The following MYO18B variants were observed in gnomAD, a reference collection of about 807,000 sequenced individuals.
MYO18B encodes unconventional myosin-XVIIIb.
In MYO18B, 204 loss-of-function variants were observed where a neutral mutation model predicts 273.0. The ratio of observed to expected loss-of-function variants is 0.75; its 90% CI spans 0.67 to 0.84. MYO18B has a LOEUF of 0.84. MYO18B is among the 40% of genes least tolerant of loss of function. The pLI, the probability that MYO18B is intolerant of heterozygous loss-of-function variation, is 0.00. For synonymous variants in MYO18B, 1,330 were observed against 1,305.7 expected, an observed-to-expected ratio of 1.02 and a Z score of -0.40; for missense variants, 3,212 against 3,287.6, an observed-to-expected ratio of 0.98 and a Z score of 0.56.
intron 11 of MYO18B, among the ~76,000 whole-genome samples, chr22:25,790,209 G>T (rs2046281883): frequency 6.6e-6 from 1 of 152,236 alleles, no homozygotes; most frequent in Non-Finnish European, 1.5e-5. Flanking sequence ...CATTCATGGA[G>T]GGGACGTGGT....
In MYO18B at chr22:25,770,879, G is replaced by A; in HGVS notation, c.1587G>A (p.Val529=). 1.9e-6 allele frequency: 3 copies of A among 1,551,790 alleles called. No homozygotes were observed. Among genetic ancestry groups the A allele is most frequent in the Non-Finnish European group, 2.6e-6 (3 of 1,146,974 alleles). The change falls in exon 6 of 44, where the codon GTG becomes GTA. Residue 529 remains valine (V), a synonymous_variant. Coordinates refer to ENST00000335473, the MANE Select transcript of MYO18B (RefSeq NM_032608.7). The part of the protein sequence containing the change: ...AQKDGFTLAT[V]LKPDEGTADL... Reference sequence around the variant, plus strand: ...TCTGGGATGTCCAACCAGCTACGGTGCTAAAGCCAGATGAGGGAACAGCAG... The same window carrying A: ...TCTGGGATGTCCAACCAGCTACGGTACTAAAGCCAGATGAGGGAACAGCAG...
chr22:25,797,384 T>A (rs1223189742), intron 11 of MYO18B, among the ~76,000 whole-genome samples: 3 of 152,230 alleles, frequency 2.0e-5, no homozygotes, highest in East Asian at 1.9e-4. Flanking sequence ...CACAATTTGA[T>A]CTGCTCTATG....
intron 12 of MYO18B, among the ~76,000 whole-genome samples, chr22:25,800,785 TG>T (rs57524878): frequency 0.066 from 10,028 of 152,150 alleles, 575 homozygotes; most frequent in East Asian, 0.21. Flanking sequence ...TGGGGCAGAG[TG>T]GGGGGGCCCC....
chr22:25,887,376 G>A (rs2091531878), intron 25 of MYO18B, among the ~76,000 whole-genome samples: 1 of 151,338 alleles, frequency 6.6e-6, no homozygotes, highest in African/African-American at 2.5e-5. Flanking sequence ...AATGAGGCCA[G>A]TGCACAGGAT....
At chr22:26,048,967 C>G in the MYO18B span, among the ~76,000 whole-genome samples, 1 of 152,192 alleles carries the variant, frequency 6.6e-6, no homozygotes, top group Non-Finnish European at 1.5e-5. Flanking sequence ...GGGTACTAGG[C>G]TTAGTACCTG....
In MYO18B at chr22:25,910,931, C is replaced by G. The variant is rs751962469; in HGVS notation, c.5260-15C>G. On this transcript the variant is annotated splice_polypyrimidine_tract_variant and intron_variant, in intron 32 of 43. Transcript: ENST00000335473. ...TTCATTTACCCTGTGATGTTTCTTCCCTGTGTATCCACAGCTTCATCAGCT... is the reference window on the plus strand; with the variant it reads ...TTCATTTACCCTGTGATGTTTCTTCGCTGTGTATCCACAGCTTCATCAGCT... 1.3e-6 allele frequency: 2 copies of G among 1,566,024 alleles called. No individual in the cohort carries two copies.
rs757632302 is a variant in MYO18B, at chr22:25,874,283, C to T, written c.3952-3C>T. The T allele has an allele frequency of 2.5e-6, 4 of 1,613,882 alleles. No individual in the cohort carries two copies. The highest frequency in any genetic ancestry group is 2.2e-5 in the South Asian group (2 of 91,080). On this transcript the variant is annotated splice_polypyrimidine_tract_variant and splice_region_variant and intron_variant, in intron 22 of 43. Coordinates refer to ENST00000335473, the MANE Select transcript of MYO18B (RefSeq NM_032608.7). ...ACTCACCTGAAACCTTCCCTCTCCC[C>T]AGGTTTTTCTCAAGGCAGGTGTGAT...
At chr22:25,759,894 A>C (rs1218849784) in intron 1 of MYO18B, among the ~76,000 whole-genome samples, 1 of 152,124 alleles carries the variant, frequency 6.6e-6, no homozygotes, top group Non-Finnish European at 1.5e-5. Context: ...ATGGTGATGA[A>C]ATTTTCTGGT....
At position 25,947,802 on chromosome 22, in the gene MYO18B, C is replaced by A; in HGVS notation, c.5722C>A (p.Gln1908Lys). ...EDQDDLNELM[Q>K]KHKDLIAQSA... ...CCAGGATGACCTGAATGAGCTGATG[C>A]AGAAGCACAAGGACCTCATTGCTCA... The change falls in exon 36 of 44, where the codon CAG becomes AAG. Residue 1908 changes from glutamine to lysine, a missense_variant. Transcript: ENST00000335473. 6.2e-7 allele frequency: 1 copy of A among 1,613,802 alleles called. No individual in the cohort carries two copies. The highest frequency in any genetic ancestry group is 8.5e-7 in the Non-Finnish European group (1 of 1,179,826).
intron 1 of MYO18B, among the ~76,000 whole-genome samples, 172 bp from the exon 2 acceptor site, chr22:25,760,812 A>G (rs1304947415): frequency 6.6e-6 from 1 of 152,210 alleles, no homozygotes; most frequent in Non-Finnish European, 1.5e-5. Flanking sequence ...CGCGGCCTGC[A>G]GGGTCCTGCC....
intron 25 of MYO18B, among the ~76,000 whole-genome samples, chr22:25,886,365 C>T (rs1311626348): frequency 6.6e-6 from 1 of 152,216 alleles, no homozygotes; most frequent in East Asian, 1.9e-4. Context: ...CCCCTGCTGA[C>T]TGAGGCAGCT....
intron 25 of MYO18B, among the ~76,000 whole-genome samples, chr22:25,885,942 C>G (rs967448228): frequency 6.6e-6 from 1 of 152,344 alleles, no homozygotes; most frequent in South Asian, 2.1e-4. Flanking sequence ...CACTGACATC[C>G]AGAGCCTATA....
intron 23 of MYO18B, 147 bp from the exon 24 acceptor site, chr22:25,876,041 TG>T: frequency 2.2e-6 from 1 of 456,444 alleles, no homozygotes; most frequent in Non-Finnish European, 3.9e-6. Context: ...TGTGTGTGTG[TG>T]TGTATGTGTT....
chr22:26,033,835 TCTTTCTTTC>T (rs886677611), downstream of MYO18B, among the ~76,000 whole-genome samples: 2 of 112,652 alleles, frequency 1.8e-5, no homozygotes, highest in Admixed American at 7.8e-5. Context: ...CTTCCTTCTT[TCTTTCTTTC>T]CTTTCTTTTT....
At chr22:25,823,858 A>G (rs1000942196) in intron 13 of MYO18B, among the ~76,000 whole-genome samples, 180 bp downstream of exon 13, 2 of 152,200 alleles carry the variant, frequency 1.3e-5, no homozygotes, top group Admixed American at 1.3e-4. Flanking sequence ...GCTAATGCTC[A>G]AATAACTATC....
intron 43 of MYO18B, among the ~76,000 whole-genome samples, chr22:26,028,760 T>C (rs1481486554): frequency 6.6e-6 from 1 of 151,730 alleles, no homozygotes; most frequent in Non-Finnish European, 1.5e-5. Flanking sequence ...TGGTAGCGGG[T>C]GCCTGTAGTC....
At chr22:25,947,579 C>A in intron 35 of MYO18B, 133 bp from the exon 36 acceptor site, 1 of 626,638 alleles carries the variant, frequency 1.6e-6, no homozygotes, top group Non-Finnish European at 2.9e-6. Flanking sequence ...TTGGTAACCA[C>A]AGCCACTCTT....
rs559867806 is a variant in MYO18B at position 25,780,091 on chromosome 22, G to T, written c.2104G>T (p.Ala702Ser). The T allele has an allele frequency of 3.8e-6, 6 of 1,598,346 alleles. No individual in the cohort carries two copies. The highest frequency in any genetic ancestry group is 1.7e-4 in the Middle Eastern group (1 of 6,048). The change falls in exon 9 of 44, where the codon GCC (alanine) becomes TCC (serine). Residue 702 changes from alanine (A) to serine (S), a missense_variant. By Grantham distance (99) the Ala-to-Ser change is moderately conservative (BLOSUM62 1). Coordinates refer to ENST00000335473, the MANE Select transcript of MYO18B (RefSeq NM_032608.7). ...CCGAGCCACCTTCACTGTCCTCCGG[G>T]CCTTCGGCTCTGTGTCCATGGCCCA... ...KIRATFTVLR[A>S]FGSVSMAHSR...
Position 25,768,711 on chromosome 22 carries a change from G to A in MYO18B, c.795G>A (p.Gly265=). The change falls in exon 4 of 44, where the codon GGG becomes GGA. Residue 265 remains glycine, a synonymous_variant. Transcript: ENST00000335473. ...AGCCCCAGGGCAAAGACAGGCAGGG[G>A]ACCAGGCCCCAAGCCCAAGGGCCCG... The part of the protein sequence containing the change: ...EAEPQGKDRQ[G]TRPQAQGPGE... The A allele has an allele frequency of 6.3e-7, 1 of 1,583,216 alleles. No individual in the cohort carries two copies. The highest frequency in any genetic ancestry group is 1.7e-4 in the Middle Eastern group (1 of 5,910).
Sources: gnomAD v4.1 joint callset for allele counts (sites outside exome capture counted in the v4.1 genomes callset) on GRCh38, gnomAD v4.1.1 for gene constraint, MANE v1.5 for transcripts, NCBI Gene and HGNC (gene_info 2026-07-23, HGNC 2026-07-21) for gene names.